Variants in LAMC2 observed in about 807,000 individuals in gnomAD.
LAMC2 encodes laminin subunit gamma 2.
A neutral mutation model predicts 140.2 loss-of-function variants in LAMC2; 97 were observed. The observed-to-expected ratio is 0.69, with a 90% CI of 0.59 to 0.82. The LOEUF is 0.82. Among genes scored for constraint, LAMC2 ranks in the 40% least tolerant of loss-of-function variants. LAMC2 has a pLI of 0.00. For synonymous variants in LAMC2, 513 were observed against 540.2 expected (o/e 0.95, Z 0.70); for missense variants, 1,402 against 1,476.1 (o/e 0.95, Z 0.82).
intron 17 of LAMC2, 48 bp from the exon 18 acceptor site, chr1:183,237,304 G>C (rs377546604): frequency 6.2e-7 from 1 of 1,608,966 alleles, no homozygotes; most frequent in African/African-American, 1.3e-5. Flanking sequence ...GGCTGGTGTG[G>C]TAACTGGTAA....
intron 22 of LAMC2, among the ~76,000 whole-genome samples, chr1:183,242,385 A>G (rs578236149): frequency 6.6e-6 from 1 of 152,344 alleles, no homozygotes; most frequent in East Asian, 1.9e-4. Context: ...GTCAAATACT[A>G]TCACTTCAGC....
downstream of LAMC2, among the ~76,000 whole-genome samples, chr1:183,247,976 G>A (rs191098333): frequency 8.5e-5 from 13 of 152,320 alleles, no homozygotes; most frequent in African/African-American, 3.1e-4. Context: ...ATGCAAATTA[G>A]TCAAGATGTA....
downstream of LAMC2, chr1:183,249,682 C>CGGGTGT (rs1660321464): frequency 8.4e-6 from 1 of 119,516 alleles, no homozygotes; most frequent in Non-Finnish European, 1.7e-5. Flanking sequence ...AAGAGTAGGG[C>CGGGTGT]GTGTGTGTGT....
rs765406324 is a variant in LAMC2 at position 183,222,226 on chromosome 1, A to G, written c.763+15A>G. 8 of 1,613,588 alleles carry G rather than the reference A, an allele frequency of 5.0e-6. No individual in the cohort carries two copies. The highest frequency in any genetic ancestry group is 1.1e-5 in the South Asian group (1 of 91,072). ...TGTGGCTCCTGGTATGTGAGGAATA[A>G]TGTCTCCTATAGAGGCCAGCTTATA... On this transcript the variant is annotated intron_variant, in intron 6 of 22. Transcript: ENST00000264144.
chr1:183,222,102 G>A lies in LAMC2; in HGVS notation c.654G>A (p.Trp218Ter). 6.2e-7 allele frequency: 1 copy of A among 1,614,148 alleles called. No homozygotes were observed. The highest frequency in any genetic ancestry group is 8.5e-7 in the Non-Finnish European group (1 of 1,180,022). ...TSTFHQDVDG[W>*]KAVQRNGSPA... Reference sequence around the variant, plus strand: ...TTTGTGTTCCAGATGTTGATGGCTGGAAGGCTGTCCAACGAAATGGGTCTC... The same window carrying A: ...TTTGTGTTCCAGATGTTGATGGCTGAAAGGCTGTCCAACGAAATGGGTCTC... Residue 218 changes from tryptophan (W) to a stop codon, truncating the protein, a stop_gained, in exon 6 of 23, where the codon TGG becomes TGA. Coordinates refer to ENST00000264144, the MANE Select transcript of LAMC2 (RefSeq NM_005562.3). LOFTEE classifies it high-confidence loss of function.
rs183541650 is a variant in LAMC2 at position 183,188,704 on chromosome 1, A to C, written c.79+2273A>C. ...CAAAGCCAACAGTACAGTGTAGTGAATTCATTTGCCCAGAGATCAGAAAGA... is the reference window on the plus strand; with the variant it reads ...CAAAGCCAACAGTACAGTGTAGTGACTTCATTTGCCCAGAGATCAGAAAGA... On this transcript the variant is annotated intron_variant, in intron 1 of 22. Coordinates refer to ENST00000264144, the MANE Select transcript of LAMC2 (RefSeq NM_005562.3). Among the ~76,000 whole-genome samples the C allele has an allele frequency of 8.6e-3, 1,310 of 152,330 alleles. 30 individuals carry two copies. Among genetic ancestry groups the C allele is most frequent in the African/African-American group, 0.03 (1,253 of 41,562 alleles).
In LAMC2 at chr1:183,236,460, A is replaced by G. The variant is rs767613838; in HGVS notation, c.2457A>G (p.Lys819=). 1 of 1,607,540 alleles carries G rather than the reference A, an allele frequency of 6.2e-7. No homozygotes were observed. Among genetic ancestry groups the G allele is most frequent in the East Asian group, 2.3e-5 (1 of 44,396 alleles). ...GCCCCCTCCCCACCCCCAACACCAG[A>G]TTGGAGAAAACCAAGTCCCTGGCCC... ...DGAVVQGLVE[K]LEKTKSLAQQ... Residue 819 remains lysine, a splice_region_variant and synonymous_variant, in exon 17 of 23, where the codon AAA becomes AAG. Transcript: ENST00000264144.
downstream of LAMC2, among the ~76,000 whole-genome samples, chr1:183,247,524 T>G (rs1245445159): frequency 8.3e-6 from 1 of 120,568 alleles, no homozygotes. Flanking sequence ...ATCTCAATTT[T>G]AAGCCAAAAA....
In LAMC2 at chr1:183,222,127, C is replaced by A; in HGVS notation, c.679C>A (p.Pro227Thr). Reference sequence around the variant, plus strand: ...GAAGGCTGTCCAACGAAATGGGTCTCCTGCAAAGCTCCAATGGTCACAGCG... The same window carrying A: ...GAAGGCTGTCCAACGAAATGGGTCTACTGCAAAGCTCCAATGGTCACAGCG... ...GWKAVQRNGSPAKLQWSQRHQ... is the reference protein window; with the variant it reads ...GWKAVQRNGSTAKLQWSQRHQ... The change falls in exon 6 of 23, where the codon CCT becomes ACT. Residue 227 changes from proline (P) to threonine (T), a missense_variant. Physicochemically the swap from Pro to Thr is conservative, Grantham distance 38. This residue lies in a region of LAMC2 where 723 missense variants were observed against 783.3 expected (regional missense o/e 0.92). Coordinates refer to ENST00000264144, the MANE Select transcript of LAMC2 (RefSeq NM_005562.3). 7 of 1,614,112 alleles carry A rather than the reference C, an allele frequency of 4.3e-6. No individual in the cohort carries two copies. Among genetic ancestry groups the A allele is most frequent in the Non-Finnish European group, 5.9e-6 (7 of 1,179,992 alleles).
Position 183,243,536 on chromosome 1 carries a change from C to G in LAMC2, c.*136C>G, listed in dbSNP as rs1660183293. Reference sequence around the variant, plus strand: ...ATGCTCAGGTCAACTGACCTGACCCCATTCCTGATCCCATGGCCAGGTGGT... The same window carrying G: ...ATGCTCAGGTCAACTGACCTGACCCGATTCCTGATCCCATGGCCAGGTGGT... On this transcript the variant is annotated 3_prime_UTR_variant, in exon 23 of 23. Transcript: ENST00000264144. 5 of 1,069,788 alleles carry G rather than the reference C, an allele frequency of 4.7e-6. No individual in the cohort carries two copies. The East Asian group carries it at 1.2e-4, about 25-fold the overall frequency. 66.3% of individuals were successfully genotyped at this position (1,069,788 alleles called of 1,614,324 possible).
downstream of LAMC2, among the ~76,000 whole-genome samples, chr1:183,246,194 A>T (rs1660239819): frequency 6.6e-6 from 1 of 151,372 alleles, no homozygotes; most frequent in South Asian, 2.1e-4. Context: ...AAAAGGTCGT[A>T]AGACTGTCTT....
intron 12 of LAMC2, among the ~76,000 whole-genome samples, chr1:183,231,328 T>C (rs1659794761): frequency 6.6e-6 from 1 of 152,258 alleles, no homozygotes; most frequent in East Asian, 1.9e-4. Flanking sequence ...CTTTTGCAGA[T>C]ACTGTTTCAT....
chr1:183,208,214 T>A, intron 2 of LAMC2, 145 bp downstream of exon 2: 112 of 664,632 alleles, frequency 1.7e-4, no homozygotes, highest in Non-Finnish European at 2.4e-4. Context: ...AAGAGGGAGA[T>A]GTTCAACCTC....
intron 13 of LAMC2, 60 bp downstream of exon 13, chr1:183,232,403 T>C: frequency 6.4e-7 from 1 of 1,574,684 alleles, no homozygotes; most frequent in South Asian, 1.1e-5. Context: ...AAGGAATGGC[T>C]ACGTTAGGTC....
At chr1:183,204,709 G>A (rs1658828200) in intron 1 of LAMC2, among the ~76,000 whole-genome samples, 1 of 152,028 alleles carries the variant, frequency 6.6e-6, no homozygotes, top group Admixed American at 6.6e-5. Flanking sequence ...GACAGAAGAG[G>A]GATGTGATAG....
intron 1 of LAMC2, among the ~76,000 whole-genome samples, chr1:183,197,648 T>C (rs10911277): frequency 0.5 from 74,862 of 150,730 alleles, 19,040 homozygotes; most frequent in East Asian, 0.73. Context: ...TGCACTCCAG[T>C]CTGGGCGACA....
At chr1:183,239,670 C>G in intron 20 of LAMC2, 107 bp downstream of exon 20, 1 of 944,176 alleles carries the variant, frequency 1.1e-6, no homozygotes, top group Admixed American at 2.4e-5. Flanking sequence ...GCTCAGAGCC[C>G]TGTTGTGGCC....
chr1:183,235,834 T>C (rs1659945420), intron 16 of LAMC2, 104 bp downstream of exon 16: 1 of 1,179,016 alleles, frequency 8.5e-7, no homozygotes, highest in Admixed American at 2.0e-5. Flanking sequence ...AAAAAACATA[T>C]TATTAATGAT....
At chr1:183,226,992 G>A in intron 9 of LAMC2, 76 bp downstream of exon 9, 1 of 1,160,868 alleles carries the variant, frequency 8.6e-7, no homozygotes, top group Non-Finnish European at 1.3e-6. Flanking sequence ...AAAGACCATG[G>A]CTGAACTCAC....
Sources: allele counts gnomAD v4.1 joint callset (sites outside exome capture counted in the v4.1 genomes callset), GRCh38; gene constraint gnomAD v4.1.1; regional missense constraint gnomAD v4.1.1; transcripts MANE v1.5; gene names NCBI Gene and HGNC (gene_info 2026-07-23, HGNC 2026-07-21).